Variants in PPP2R2B observed in about 807,000 individuals in gnomAD.
PPP2R2B encodes the protein serine/threonine-protein phosphatase 2A 55 kDa regulatory subunit B beta isoform.
PPP2R2B carries 5 observed loss-of-function variants against 46.0 expected under a neutral mutation model. That is an observed-to-expected ratio of 0.11 (90% confidence interval 0.06 to 0.23). The LOEUF is 0.23. Among genes scored for constraint, PPP2R2B ranks in the 10% least tolerant of loss-of-function variants. The pLI, the probability that PPP2R2B is intolerant of heterozygous loss-of-function variation, is 1.00. For synonymous variants in PPP2R2B, 215 were observed against 206.7 expected, an observed-to-expected ratio of 1.04 and a Z score of -0.34; for missense variants, 367 against 575.0, an observed-to-expected ratio of 0.64 and a Z score of 3.70.
intron 2 of PPP2R2B, among the ~76,000 whole-genome samples, chr5:146,854,904 C>T (rs1760561277): frequency 6.6e-6 from 1 of 152,164 alleles, no homozygotes; most frequent in Admixed American, 6.5e-5. Context: ...CTGTCTCTCG[C>T]AGTTTTTATG....
At chr5:146,764,224 AG>A (rs1252710348) in intron 2 of PPP2R2B, among the ~76,000 whole-genome samples, 11 of 151,980 alleles carry the variant, frequency 7.2e-5, no homozygotes, top group Admixed American at 5.9e-4. Flanking sequence ...CTGAGTCTGG[AG>A]GGGGGTGGGC....
At chr5:146,882,251 G>A (rs1362171802), upstream of PPP2R2B, among the ~76,000 whole-genome samples, 1 of 150,274 alleles carries the variant, frequency 6.7e-6, no homozygotes, top group Non-Finnish European at 1.5e-5. Context: ...GGGAGACAGA[G>A]CAAGACTCCT....
chr5:146,603,363 T>C (rs76445676), intron 7 of PPP2R2B, among the ~76,000 whole-genome samples: 9,015 of 152,296 alleles, frequency 0.059, 802 homozygotes, highest in African/African-American at 0.19. Flanking sequence ...CAAAATTGTA[T>C]ATGTTTATGG....
intron 1 of PPP2R2B, among the ~76,000 whole-genome samples, chr5:147,052,114 C>T (rs185976052): frequency 1.3e-5 from 2 of 152,064 alleles, no homozygotes; most frequent in East Asian, 3.9e-4. Context: ...TTTGGTTGCC[C>T]TGGCTTCTGT....
chr5:146,626,451 A>G (rs1478915947), intron 7 of PPP2R2B, among the ~76,000 whole-genome samples: 5 of 152,252 alleles, frequency 3.3e-5, no homozygotes, highest in African/African-American at 1.2e-4. Flanking sequence ...ATAAATTGAA[A>G]AAATGGAAGA....
chr5:146,885,963 A>T (rs1343708992), intron 1 of PPP2R2B, among the ~76,000 whole-genome samples: 2 of 152,098 alleles, frequency 1.3e-5, no homozygotes, highest in South Asian at 4.1e-4. Context: ...GTTGCCAGGG[A>T]CTGAGGATAA....
intron 2 of PPP2R2B, among the ~76,000 whole-genome samples, chr5:146,821,862 C>T (rs1040986343): frequency 2.0e-5 from 3 of 151,940 alleles, no homozygotes; most frequent in African/African-American, 7.3e-5. Flanking sequence ...TATGATGCCA[C>T]ATTGTAAATT....
intron 1 of PPP2R2B, among the ~76,000 whole-genome samples, chr5:147,008,133 A>G (rs1293219331): frequency 6.6e-6 from 1 of 152,192 alleles, no homozygotes; most frequent in East Asian, 1.9e-4. Flanking sequence ...AGGGACAAAA[A>G]TATTTGTATA....
chr5:147,073,103 G>T (rs980153121), intron 2 of PPP2R2B, among the ~76,000 whole-genome samples: 5 of 152,184 alleles, frequency 3.3e-5, no homozygotes, highest in African/African-American at 1.2e-4. Flanking sequence ...TGGCCTCATC[G>T]TCCAGCCCAG....
intron 1 of PPP2R2B, among the ~76,000 whole-genome samples, chr5:147,001,117 A>C (rs1481484378): frequency 2.0e-5 from 3 of 152,184 alleles, no homozygotes; most frequent in Non-Finnish European, 2.9e-5. Context: ...AGCACTCTGT[A>C]AATAGACCAA....
chr5:146,731,557 T>G (rs766200543), intron 2 of PPP2R2B, among the ~76,000 whole-genome samples: 2 of 152,208 alleles, frequency 1.3e-5, no homozygotes, highest in Non-Finnish European at 2.9e-5. Context: ...ATTAAGAGCT[T>G]GGGCTTTGAA....
chr5:146,881,372 C>T (rs1762163339), upstream of PPP2R2B, among the ~76,000 whole-genome samples: 1 of 151,790 alleles, frequency 6.6e-6, no homozygotes, highest in Admixed American at 6.6e-5. Context: ...TTATTGTTGG[C>T]CATTTTCACT....
intron 6 of PPP2R2B, among the ~76,000 whole-genome samples, chr5:146,645,303 A>C (rs1229159883): frequency 1.3e-5 from 2 of 152,218 alleles, no homozygotes; most frequent in Non-Finnish European, 2.9e-5. Context: ...ATGTTGCTTG[A>C]TGATGAGACA....
At chr5:146,634,573 G>A (rs988427374) in intron 7 of PPP2R2B, among the ~76,000 whole-genome samples, 3 of 152,088 alleles carry the variant, frequency 2.0e-5, no homozygotes, top group African/African-American at 7.2e-5. Context: ...AGCCTTGGGT[G>A]ATCTGCCCGC....
rs540698828 is a variant in PPP2R2B, at chr5:146,688,848, G to C, written c.447+2280C>G. 3.9e-5 allele frequency among the ~76,000 whole-genome samples: 6 copies of C among 152,204 alleles called. No homozygotes were observed. In the South Asian group the frequency reaches 1.2e-3, roughly 32 times the overall value. On this transcript the variant is annotated intron_variant, in intron 5 of 9. Coordinates refer to ENST00000394411, the MANE Select transcript of PPP2R2B (RefSeq NM_181675.4). ...GAAATTCCATCCACATAGCAAACAA[G>C]GGCAAGGTAAAGTCTGGGCAGAAGT...
intron 2 of PPP2R2B, among the ~76,000 whole-genome samples, chr5:146,809,540 G>A (rs1025998734): frequency 6.6e-6 from 1 of 152,138 alleles, no homozygotes; most frequent in African/African-American, 2.4e-5. Context: ...CTTATTTAGA[G>A]GGAGTGGTCA....
rs75014008 is a variant in PPP2R2B at position 146,780,663 on chromosome 5, C to A, written c.71-79521G>T. Among the ~76,000 whole-genome samples, 257 of 152,262 alleles carry A rather than the reference C, an allele frequency of 1.7e-3. 2 individuals are homozygous for A. Among genetic ancestry groups the A allele is most frequent in the Non-Finnish European group, 1.5e-3 (104 of 68,010 alleles). ...TCTGAAATACCTGTTGAATATATAA[C>A]ATAAAAAGAAAACTAATCACTAGGA... On this transcript the variant is annotated intron_variant, in intron 2 of 9. Coordinates refer to ENST00000394411, the MANE Select transcript of PPP2R2B (RefSeq NM_181675.4).
chr5:146,955,110 T>C (rs1223052424), intron 1 of PPP2R2B, among the ~76,000 whole-genome samples: 1 of 152,146 alleles, frequency 6.6e-6, no homozygotes, highest in Non-Finnish European at 1.5e-5. Context: ...GTGAAAACCA[T>C]AATTTAAACA....
chr5:147,030,309 A>C (rs1378144629), intron 1 of PPP2R2B, among the ~76,000 whole-genome samples: 2 of 152,168 alleles, frequency 1.3e-5, no homozygotes. Context: ...TGAAGATATA[A>C]GTTCATTTTA....
Sources: allele counts gnomAD v4.1 joint callset (sites outside exome capture counted in the v4.1 genomes callset), GRCh38; gene constraint gnomAD v4.1.1; transcripts MANE v1.5; gene names NCBI Gene and HGNC (gene_info 2026-07-23, HGNC 2026-07-21).